The following EPHA3 variants were observed in gnomAD, a reference collection of about 807,000 sequenced individuals.
EPHA3 encodes EPH receptor A3, also known as ephrin type-A receptor 3.
EPHA3 carries 42 observed loss-of-function variants against 107.1 expected under a neutral mutation model. That is an observed-to-expected ratio of 0.39 (90% CI 0.31 to 0.51). The LOEUF is 0.51. EPHA3 is among the 20% of genes least tolerant of loss of function. The pLI, the probability that EPHA3 is intolerant of heterozygous loss-of-function variation, is 0.78. For synonymous variants in EPHA3, 461 were observed against 424.8 expected (o/e 1.09, Z -1.05); for missense variants, 1,183 against 1,211.2 (o/e 0.98, Z 0.35).
intron 3 of EPHA3, among the ~76,000 whole-genome samples, chr3:89,320,561 C>G (rs577556013): frequency 4.9e-4 from 75 of 151,652 alleles, no homozygotes; most frequent in Middle Eastern, 3.4e-3. Flanking sequence ...TCTATTTACT[C>G]TAGGATATGA....
chr3:89,407,585 C>A (rs1408085014), intron 8 of EPHA3, among the ~76,000 whole-genome samples: 3 of 152,052 alleles, frequency 2.0e-5, no homozygotes, highest in East Asian at 3.9e-4. Flanking sequence ...TGTCCCCACT[C>A]TTTTAACATA....
chr3:89,399,779 A>G, intron 7 of EPHA3: 1 of 1,145,568 alleles, frequency 8.7e-7, no homozygotes, highest in African/African-American at 1.6e-5. Flanking sequence ...TAATATAGTA[A>G]CACACTTCCA....
chr3:89,477,799 G>T (rs1710547472), intron 16 of EPHA3, among the ~76,000 whole-genome samples: 1 of 151,476 alleles, frequency 6.6e-6, no homozygotes, highest in Non-Finnish European at 1.5e-5. Context: ...GGCAGCCATT[G>T]TTTAGGTTGC....
At chr3:89,361,235 A>G (rs1277726726) in intron 5 of EPHA3, among the ~76,000 whole-genome samples, 1 of 151,106 alleles carries the variant, frequency 6.6e-6, no homozygotes, top group East Asian at 1.9e-4. Flanking sequence ...CTTTGGAAAT[A>G]AAGACCTATG....
chr3:89,404,949 A>G (rs771165672), intron 7 of EPHA3, among the ~76,000 whole-genome samples: 6 of 152,168 alleles, frequency 3.9e-5, no homozygotes, highest in Non-Finnish European at 8.8e-5. Context: ...TTTTTGAAAT[A>G]TTGGATTAAG....
In EPHA3 at chr3:89,210,098, A is replaced by G. The variant is rs1250111431; in HGVS notation, c.392A>G (p.His131Arg). The G allele has an allele frequency of 1.9e-6, 3 of 1,613,950 alleles. No individual in the cohort carries two copies. The highest frequency in any genetic ancestry group is 8.5e-7 in the Non-Finnish European group (1 of 1,179,940). The part of the protein sequence containing the change: ...NLYYMESDDD[H>R]GVKFREHQFT... Reference sequence around the variant, plus strand: ...TACTACATGGAGTCTGATGATGATCATGGGGTGAAATTTCGAGAGCATCAG... The same window carrying G: ...TACTACATGGAGTCTGATGATGATCGTGGGGTGAAATTTCGAGAGCATCAG... The change falls in exon 3 of 17, where the codon CAT becomes CGT. Residue 131 changes from histidine to arginine, a missense_variant. His to Arg is a conservative substitution (Grantham distance 29, BLOSUM62 0). Transcript: ENST00000336596.
At chr3:89,333,894 A>T (rs143682042) in intron 3 of EPHA3, among the ~76,000 whole-genome samples, 1 of 152,080 alleles carries the variant, frequency 6.6e-6, no homozygotes, top group Admixed American at 6.6e-5. Context: ...AAAAAAAAAT[A>T]AAAAACCTCA....
intron 6 of EPHA3, 37 bp downstream of exon 6, chr3:89,395,998 C>CA (rs766164243): frequency 1.4e-5 from 22 of 1,606,836 alleles, no homozygotes; most frequent in Non-Finnish European, 1.6e-5. Flanking sequence ...GCTGTGTAGG[C>CA]AAGAAGCTGT....
chr3:89,244,796 A>G (rs1048992098), intron 3 of EPHA3, among the ~76,000 whole-genome samples: 3 of 152,198 alleles, frequency 2.0e-5, no homozygotes, highest in Non-Finnish European at 2.9e-5. Context: ...GAATGATCCA[A>G]TTGCAGGTCT....
chr3:89,187,376 C>T (rs931017910), intron 2 of EPHA3, among the ~76,000 whole-genome samples: 5 of 147,998 alleles, frequency 3.4e-5, no homozygotes, highest in African/African-American at 1.2e-4. Context: ...ATGTATATAT[C>T]TATGCATTTA....
intron 3 of EPHA3, among the ~76,000 whole-genome samples, chr3:89,328,002 G>A (rs1412648272): frequency 6.6e-6 from 1 of 151,848 alleles, no homozygotes; most frequent in South Asian, 2.1e-4. Context: ...GGAGGCTGAG[G>A]CAGGAGAATC....
chr3:89,445,911 A>G (rs144240991), intron 13 of EPHA3, among the ~76,000 whole-genome samples: 1 of 152,334 alleles, frequency 6.6e-6, no homozygotes, highest in Non-Finnish European at 1.5e-5. Context: ...AGGTAAAGAT[A>G]GTATAAAGGT....
chr3:89,422,493 A>C (rs939611711), intron 11 of EPHA3, among the ~76,000 whole-genome samples: 6 of 151,422 alleles, frequency 4.0e-5, no homozygotes, highest in African/African-American at 1.5e-4. Flanking sequence ...TACTCCTCTG[A>C]GAACTCCTAC....
intron 3 of EPHA3, among the ~76,000 whole-genome samples, chr3:89,230,293 T>C (rs529512662): frequency 6.6e-6 from 1 of 152,104 alleles, no homozygotes; most frequent in African/African-American, 2.4e-5. Context: ...GAGGAGTTTT[T>C]GCCTAGGTGT....
intron 7 of EPHA3, among the ~76,000 whole-genome samples, chr3:89,402,798 C>T (rs6798377): frequency 0.031 from 4,717 of 152,146 alleles, 252 homozygotes; most frequent in African/African-American, 0.11. Flanking sequence ...TGGGTTCAAG[C>T]GATTCTATAG....
At chr3:89,419,966 T>C (rs1322392084) in intron 11 of EPHA3, among the ~76,000 whole-genome samples, 1 of 151,416 alleles carries the variant, frequency 6.6e-6, no homozygotes, top group Admixed American at 6.6e-5. Context: ...CTTACTGCTC[T>C]GTGGAAGCTC....
chr3:89,455,780 T>TCCTTAAGGAAGCA lies in EPHA3; in HGVS notation c.2690+5410_2690+5411insCCTTAAGGAAGCA, dbSNP rs1576388015. On this transcript the variant is annotated intron_variant, in intron 15 of 16. Transcript: ENST00000336596. Reference sequence around the variant, plus strand: ...ACCTTTCTTCCTTAAGGAAGCAACTTACACATCATGTATGTGTTGACTCAT... The same window carrying TCCTTAAGGAAGCA: ...ACCTTTCTTCCTTAAGGAAGCAACTTCCTTAAGGAAGCAACACATCATGTATGTGTTGACTCAT... 2.6e-5 allele frequency among the ~76,000 whole-genome samples: 4 copies of TCCTTAAGGAAGCA among 152,338 alleles called. No homozygotes were observed. In the East Asian group the frequency reaches 7.7e-4, roughly 29 times the overall value.
At chr3:89,469,086 T>A (rs1710349614) in intron 15 of EPHA3, among the ~76,000 whole-genome samples, 1 of 152,114 alleles carries the variant, frequency 6.6e-6, no homozygotes, top group Admixed American at 6.5e-5. Context: ...TTTTAGATAA[T>A]CTCTGAGAGT....
chr3:89,457,246 A>T (rs1710115882), intron 15 of EPHA3, among the ~76,000 whole-genome samples: 1 of 152,178 alleles, frequency 6.6e-6, no homozygotes, highest in Non-Finnish European at 1.5e-5. Flanking sequence ...CTATAGGATA[A>T]AAAAAGGAAA....
Sources: gnomAD v4.1 joint callset for allele counts (sites outside exome capture counted in the v4.1 genomes callset) on GRCh38, gnomAD v4.1.1 for gene constraint, MANE v1.5 for transcripts, NCBI Gene and HGNC (gene_info 2026-07-23, HGNC 2026-07-21) for gene names.